ACOXL: variants seen among roughly 807,000 people sequenced by gnomAD.
ACOXL encodes acyl-CoA oxidase like, also known as acyl-coenzyme A oxidase-like protein.
Under a neutral mutation model 71.9 loss-of-function variants are expected in ACOXL, and 70 were observed. That is an observed-to-expected ratio of 0.97 (90% CI 0.80 to 1.19). The LOEUF is 1.19. Among genes scored for constraint, ACOXL ranks in the 50% most tolerant of loss-of-function variants. The probability of loss-of-function intolerance (pLI) is 0.00; values close to 1 mark genes in which losing one functional copy is unlikely to be tolerated. For synonymous variants in ACOXL, 253 were observed against 281.6 expected (o/e 0.90, Z 1.02); for missense variants, 703 against 736.3 (o/e 0.95, Z 0.52).
At chr2:111,030,944 T>C (rs952561295) in intron 14 of ACOXL, among the ~76,000 whole-genome samples, 2 of 152,172 alleles carry the variant, frequency 1.3e-5, no homozygotes, top group Admixed American at 6.5e-5. Context: ...TTCATTCTTA[T>C]TTTACTCTAG....
At chr2:110,930,568 C>T (rs889071749) in intron 11 of ACOXL, among the ~76,000 whole-genome samples, 1 of 152,176 alleles carries the variant, frequency 6.6e-6, no homozygotes, top group Non-Finnish European at 1.5e-5. Context: ...AATGTGAGGA[C>T]ATGAGATTTG....
intron 10 of ACOXL, among the ~76,000 whole-genome samples, chr2:110,859,759 C>T (rs1693718286): frequency 6.6e-6 from 1 of 152,188 alleles, no homozygotes. Flanking sequence ...GCTTGGCACC[C>T]CAGCAGGACC....
rs573243808 is a variant in ACOXL at position 110,933,613 on chromosome 2, C to T, written c.1030C>T (p.Gln344Ter). The T allele has an allele frequency of 1.9e-6, 3 of 1,612,942 alleles. No homozygotes were observed. The highest frequency in any genetic ancestry group is 2.2e-5 in the South Asian group (2 of 90,996). ...CACCTGGGAGAACATCCGCTGCCTG[C>T]AGGACTGCCGCGAGTGCACTGGAGG... The part of the protein sequence containing the change: ...YSTWENIRCL[Q>*]DCRECTGGMV... Residue 344 changes from glutamine (Q) to a stop codon, truncating the protein, a stop_gained, in exon 12 of 18, where the codon CAG becomes TAG. Transcript: ENST00000439055. LOFTEE classifies it high-confidence loss of function.
At chr2:110,838,168 T>C (rs1690684006) in intron 9 of ACOXL, among the ~76,000 whole-genome samples, 2 of 152,232 alleles carry the variant, frequency 1.3e-5, no homozygotes, top group Admixed American at 1.3e-4. Flanking sequence ...TGTACTTGCA[T>C]ATGCATGCAT....
intron 2 of ACOXL, among the ~76,000 whole-genome samples, chr2:110,781,113 G>C (rs770848333): frequency 6.6e-6 from 1 of 152,196 alleles, no homozygotes. Context: ...TGCCTGCTGG[G>C]GGAAGGGAAT....
At chr2:110,983,020 C>T (rs1228363777) in intron 12 of ACOXL, among the ~76,000 whole-genome samples, 1 of 152,232 alleles carries the variant, frequency 6.6e-6, no homozygotes, top group African/African-American at 2.4e-5. Context: ...TGATATGGGG[C>T]CCAGTGCCGT....
At chr2:110,893,335 G>T (rs113256521) in intron 10 of ACOXL, among the ~76,000 whole-genome samples, 1 of 151,232 alleles carries the variant, frequency 6.6e-6, no homozygotes, top group African/African-American at 2.4e-5. Flanking sequence ...CATATACATA[G>T]CTAATAATTA....
chr2:110,761,655 T>G (rs995444685), intron 1 of ACOXL, among the ~76,000 whole-genome samples: 1 of 152,254 alleles, frequency 6.6e-6, no homozygotes, highest in Non-Finnish European at 1.5e-5. Flanking sequence ...ACACCCATAC[T>G]GCCAGTTGCT....
intron 2 of ACOXL, among the ~76,000 whole-genome samples, chr2:110,776,616 G>A (rs908999121): frequency 2.8e-4 from 43 of 151,982 alleles, no homozygotes. Context: ...AGGTGGGAGT[G>A]TCCTGGGCTT....
intron 9 of ACOXL, among the ~76,000 whole-genome samples, chr2:110,812,433 A>C (rs1023038104): frequency 6.6e-6 from 1 of 152,092 alleles, no homozygotes; most frequent in Non-Finnish European, 1.5e-5. Context: ...CCAGTACCCA[A>C]TAGTTACCTT....
At chr2:111,029,779 T>C (rs558478007) in intron 14 of ACOXL, among the ~76,000 whole-genome samples, 7 of 152,298 alleles carry the variant, frequency 4.6e-5, no homozygotes, top group African/African-American at 1.7e-4. Context: ...CACCAAGATA[T>C]TGACATATAA....
chr2:111,115,519 C>A (rs1203351488), intron 17 of ACOXL: 1 of 152,078 alleles, frequency 6.6e-6, no homozygotes, highest in African/African-American at 2.4e-5. Flanking sequence ...ATCCAGCATA[C>A]CATTTGTGAG....
chr2:110,950,810 G>GA (rs2061300282), intron 12 of ACOXL, among the ~76,000 whole-genome samples: 1 of 142,796 alleles, frequency 7.0e-6, no homozygotes, highest in Non-Finnish European at 1.5e-5. Flanking sequence ...GGTGGGGGGT[G>GA]GAGAGAGAGA....
At chr2:111,063,769 G>T (rs1354944631) in intron 16 of ACOXL, among the ~76,000 whole-genome samples, 1 of 152,176 alleles carries the variant, frequency 6.6e-6, no homozygotes, top group Admixed American at 6.5e-5. Flanking sequence ...AGGAGTTCTA[G>T]CCAGTGCAAT....
At chr2:110,829,168 G>A (rs561553258) in intron 9 of ACOXL, among the ~76,000 whole-genome samples, 1 of 152,258 alleles carries the variant, frequency 6.6e-6, no homozygotes, top group African/African-American at 2.4e-5. Flanking sequence ...GTATTTTCCT[G>A]TATGTTTGAT....
At chr2:110,748,334 C>T (rs948927449) in intron 1 of ACOXL, among the ~76,000 whole-genome samples, 4 of 152,104 alleles carry the variant, frequency 2.6e-5, no homozygotes, top group Admixed American at 1.3e-4. Flanking sequence ...CACTGCACTC[C>T]GTGGAGTGCC....
intron 9 of ACOXL, among the ~76,000 whole-genome samples, chr2:110,823,276 A>G (rs1239343645): frequency 1.3e-5 from 2 of 151,620 alleles, no homozygotes; most frequent in South Asian, 2.1e-4. Flanking sequence ...AGATTCATCT[A>G]TGTTTTTTCA....
At chr2:110,912,228 A>G (rs2059675883) in intron 11 of ACOXL, among the ~76,000 whole-genome samples, 1 of 152,124 alleles carries the variant, frequency 6.6e-6, no homozygotes, top group African/African-American at 2.4e-5. Context: ...GTCTCTATCA[A>G]AATCCCAGAA....
chr2:110,965,451 T>A (rs1479624498), intron 12 of ACOXL, among the ~76,000 whole-genome samples: 1 of 152,224 alleles, frequency 6.6e-6, no homozygotes, highest in Non-Finnish European at 1.5e-5. Flanking sequence ...GCTGTACTAA[T>A]TTACCTTCCC....
Sources: allele counts gnomAD v4.1 joint callset (sites outside exome capture counted in the v4.1 genomes callset), GRCh38; gene constraint gnomAD v4.1.1; transcripts MANE v1.5; gene names NCBI Gene and HGNC (gene_info 2026-07-23, HGNC 2026-07-21).